Variants in ALKBH8 observed in about 807,000 individuals in gnomAD.
ALKBH8 encodes alkB homolog 8, tRNA methyltransferase, also known as tRNA (carboxymethyluridine(34)-5-O)-methyltransferase ALKBH8.
Under a neutral mutation model 59.8 loss-of-function variants are expected in ALKBH8, and 36 were observed. The ratio of observed to expected loss-of-function variants is 0.60; its 90% CI spans 0.46 to 0.79. The LOEUF (loss-of-function observed/expected upper bound fraction) is 0.79. Ranked by LOEUF, ALKBH8 falls within the 30% of genes least tolerant of loss-of-function variation. The pLI is 0.00. For missense variants in ALKBH8, 768 were observed against 801.0 expected (o/e 0.96, Z 0.50); for synonymous variants, 276 against 273.6 (o/e 1.01, Z -0.09).
At chr11:107,565,277 C>T in intron 1 of ALKBH8, 2 of 460,818 alleles carry the variant, frequency 4.3e-6, no homozygotes, top group Non-Finnish European at 7.9e-6. Flanking sequence ...CGATTGTCAC[C>T]GGTCAGAAAA....
chr11:107,529,567 C>T (rs376527679), intron 8 of ALKBH8, among the ~76,000 whole-genome samples: 3 of 151,700 alleles, frequency 2.0e-5, no homozygotes, highest in Non-Finnish European at 2.9e-5. Flanking sequence ...TGCAGTGACG[C>T]GATCTTGGCT....
At chr11:107,510,724 C>T (rs955337837) in intron 11 of ALKBH8, among the ~76,000 whole-genome samples, 163 bp downstream of exon 11, 1 of 152,144 alleles carries the variant, frequency 6.6e-6, no homozygotes, top group Non-Finnish European at 1.5e-5. Context: ...AACAGTTGCC[C>T]ATCTTTATTC....
chr11:107,522,243 A>T (rs1169896857), intron 10 of ALKBH8, 56 bp downstream of exon 10: 1 of 1,524,202 alleles, frequency 6.6e-7, no homozygotes, highest in African/African-American at 1.4e-5. Context: ...AGGAAGAAAG[A>T]TGATGATAAC....
chr11:107,531,476 CAAAGG>C (rs1163930642), intron 8 of ALKBH8, among the ~76,000 whole-genome samples: 2 of 152,076 alleles, frequency 1.3e-5, no homozygotes, highest in East Asian at 1.9e-4. Flanking sequence ...TTATTAAGAG[CAAAGG>C]AAAGTTGAGA....
chr11:107,507,481 C>T lies in ALKBH8; in HGVS notation c.1438-2266G>A, dbSNP rs116659749. On this transcript the variant is annotated intron_variant, in intron 11 of 11. Transcript: ENST00000428149. ...AATTAAGCTAAAAAATAAGACGAGACCATTTTATAAAAATGGTTGAAAAAA... is the reference window on the plus strand; with the variant it reads ...AATTAAGCTAAAAAATAAGACGAGATCATTTTATAAAAATGGTTGAAAAAA... 8.1e-3 allele frequency among the ~76,000 whole-genome samples: 1,224 copies of T among 151,802 alleles called. 21 individuals carry two copies. The highest frequency in any genetic ancestry group is 0.028 in the African/African-American group (1,159 of 41,366).
At chr11:107,548,106 CT>C (rs1864343600) in intron 7 of ALKBH8, among the ~76,000 whole-genome samples, 1 of 152,282 alleles carries the variant, frequency 6.6e-6, no homozygotes, top group South Asian at 2.1e-4. Context: ...CAAGGAATGC[CT>C]TTGCTTATTG....
In ALKBH8 at chr11:107,521,801, C is replaced by G. The variant is rs780684136; in HGVS notation, c.1287+498G>C. Among the ~76,000 whole-genome samples, 5 of 152,086 alleles carry G rather than the reference C, an allele frequency of 3.3e-5. No homozygotes were observed. The East Asian group carries it at 5.8e-4, about 18-fold the overall frequency. On this transcript the variant is annotated intron_variant, in intron 10 of 11. Coordinates refer to ENST00000428149, the MANE Select transcript of ALKBH8 (RefSeq NM_138775.3). ...ACTTCCTTTCCTCAACAGTAAGATA[C>G]CAATAAATAGAAAATTTTTTTCTAC...
chr11:107,531,074 AT>A (rs533570829), intron 8 of ALKBH8, among the ~76,000 whole-genome samples: 49 of 151,338 alleles, frequency 3.2e-4, no homozygotes, highest in African/African-American at 9.0e-4. Flanking sequence ...TCACATCATC[AT>A]TTTTTTTTAT....
At chr11:107,547,657 TA>T (rs1384253474) in intron 7 of ALKBH8, among the ~76,000 whole-genome samples, 4 of 79,646 alleles carry the variant, frequency 5.0e-5, no homozygotes, top group African/African-American at 1.0e-4. Context: ...AACTTAAAAT[TA>T]TAAGGGTTTT....
chr11:107,524,969 C>T (rs960874999), intron 9 of ALKBH8, among the ~76,000 whole-genome samples: 12 of 152,136 alleles, frequency 7.9e-5, no homozygotes, highest in Non-Finnish European at 1.6e-4. Flanking sequence ...TTTTTATTCC[C>T]TTCTGAGTTT....
intron 10 of ALKBH8, 135 bp from the exon 11 acceptor site, chr11:107,511,171 A>G (rs961186153): frequency 1.0e-5 from 9 of 877,782 alleles, no homozygotes; most frequent in Middle Eastern, 2.7e-4. Context: ...CCATGATACT[A>G]TCGGTTCTTA....
At chr11:107,508,844 T>G (rs1862503880) in intron 11 of ALKBH8, among the ~76,000 whole-genome samples, 1 of 152,242 alleles carries the variant, frequency 6.6e-6, no homozygotes, top group South Asian at 2.1e-4. Flanking sequence ...TGTCAGAATT[T>G]CCTTCCTAAG....
At chr11:107,532,973 A>G (rs936714769) in intron 7 of ALKBH8, among the ~76,000 whole-genome samples, 3 of 152,186 alleles carry the variant, frequency 2.0e-5, no homozygotes, top group Non-Finnish European at 4.4e-5. Flanking sequence ...TCTAAGAAGA[A>G]ATAAATATTA....
At chr11:107,523,295 T>C in intron 9 of ALKBH8, among the ~76,000 whole-genome samples, 1 of 152,116 alleles carries the variant, frequency 6.6e-6, no homozygotes, top group East Asian at 1.9e-4. Flanking sequence ...AAGGAAATCT[T>C]GCCATTTACA....
chr11:107,558,516 T>A (rs1864803552), intron 2 of ALKBH8, among the ~76,000 whole-genome samples: 1 of 152,164 alleles, frequency 6.6e-6, no homozygotes, highest in Non-Finnish European at 1.5e-5. Context: ...TCATTGGTGT[T>A]GAGGGTCCAC....
intron 7 of ALKBH8, among the ~76,000 whole-genome samples, chr11:107,539,871 A>G (rs1187715614): frequency 1.3e-5 from 2 of 152,200 alleles, no homozygotes; most frequent in African/African-American, 2.4e-5. Context: ...GAAAGTGACT[A>G]AAAGAAAACA....
intron 10 of ALKBH8, among the ~76,000 whole-genome samples, chr11:107,519,356 C>T (rs770411680): frequency 1.3e-5 from 2 of 151,864 alleles, no homozygotes; most frequent in Non-Finnish European, 2.9e-5. Context: ...CTGTCCACCT[C>T]GGCCTCCCAA....
chr11:107,516,464 T>A (rs1862866553), intron 10 of ALKBH8, among the ~76,000 whole-genome samples: 1 of 152,130 alleles, frequency 6.6e-6, no homozygotes, highest in Non-Finnish European at 1.5e-5. Context: ...TCAAAATGGA[T>A]GAAAGGCTTA....
Position 107,504,659 on chromosome 11 carries a change from C to A in ALKBH8, c.1994G>T (p.Ter665LeuextTer4), listed in dbSNP as rs1350103838. ...GNWCVILQKA* is the reference protein window; with the variant it reads ...GNWCVILQKAL The stretch of plus-strand genomic sequence containing the variant: ...TATATGATGTGTTCAGGTAAATAAT[C>A]AGGCCTTTTGAAGAATCACACACCA... Residue 665 changes from the stop codon to leucine (L), a stop_lost, in exon 12 of 12, where the codon TGA becomes TTA. Coordinates refer to ENST00000428149, the MANE Select transcript of ALKBH8 (RefSeq NM_138775.3). 1 of 1,543,826 alleles carries A rather than the reference C, an allele frequency of 6.5e-7. No homozygotes were observed. The highest frequency in any genetic ancestry group is 1.4e-5 in the African/African-American group (1 of 72,254).
Sources: allele counts gnomAD v4.1 joint callset (sites outside exome capture counted in the v4.1 genomes callset), GRCh38; gene constraint gnomAD v4.1.1; transcripts MANE v1.5; gene names NCBI Gene and HGNC (gene_info 2026-07-23, HGNC 2026-07-21).